Variants in UMODL1 observed in about 807,000 individuals in gnomAD.
UMODL1 encodes uromodulin like 1.
Under a neutral mutation model 136.3 loss-of-function variants are expected in UMODL1, and 128 were observed. That is an observed-to-expected ratio of 0.94 (90% CI 0.81 to 1.09). The LOEUF is 1.09. UMODL1 is among the 50% of genes least tolerant of loss of function. UMODL1 has a pLI of 0.00. For synonymous variants in UMODL1, 721 were observed against 720.0 expected, an observed-to-expected ratio of 1.00 and a Z score of -0.02; for missense variants, 1,766 against 1,725.6, an observed-to-expected ratio of 1.02 and a Z score of -0.41.
At chr21:42,135,420 G>A (rs1191968543) in intron 21 of UMODL1, among the ~76,000 whole-genome samples, 1 of 152,260 alleles carries the variant, frequency 6.6e-6, no homozygotes, top group African/African-American at 2.4e-5. Context: ...GGAGCACACA[G>A]CTGCAGGTCA....
At chr21:42,072,578 C>T (rs936936342) in intron 1 of UMODL1, among the ~76,000 whole-genome samples, 1 of 152,188 alleles carries the variant, frequency 6.6e-6, no homozygotes, top group African/African-American at 2.4e-5. Flanking sequence ...TCAGCAACCC[C>T]ACACGTGGTC....
intron 2 of UMODL1, among the ~76,000 whole-genome samples, chr21:42,082,647 C>A (rs1475693427): frequency 1.3e-5 from 2 of 152,180 alleles, no homozygotes; most frequent in Admixed American, 6.5e-5. Flanking sequence ...CCCTCAGCCT[C>A]GTCCCGGAGC....
chr21:42,109,545 G>A lies in UMODL1; in HGVS notation c.1520-17G>A, dbSNP rs772559076. 22 of 1,607,348 alleles carry A rather than the reference G, an allele frequency of 1.4e-5. No individual in the cohort carries two copies. The highest frequency in any genetic ancestry group is 1.1e-4 in the African/African-American group (8 of 74,774). On this transcript the variant is annotated splice_polypyrimidine_tract_variant and intron_variant, in intron 9 of 22. Coordinates refer to ENST00000408910, the MANE Select transcript of UMODL1 (RefSeq NM_001004416.3). ...GGCTGTTTTCTCATGGGTTTTGATT[G>A]TGTCTCCCCCTGGCAGACTGGGACG...
chr21:42,111,802 C>CCACGGCT, intron 12 of UMODL1, 92 bp downstream of exon 12: 6 of 1,290,894 alleles, frequency 4.6e-6, no homozygotes, highest in Non-Finnish European at 5.2e-6. Context: ...GCCGTGGAGT[C>CCACGGCT]GCAGGCTGCT....
At chr21:42,066,265 T>A (rs77862829) in intron 1 of UMODL1, among the ~76,000 whole-genome samples, 5,735 of 152,304 alleles carry the variant, frequency 0.038, 292 homozygotes, top group African/African-American at 0.12. Context: ...CTCCTTTTTC[T>A]CTGAGCATTA....
intron 5 of UMODL1, among the ~76,000 whole-genome samples, chr21:42,090,003 C>A (rs910334995): frequency 6.6e-6 from 1 of 152,196 alleles, no homozygotes; most frequent in Non-Finnish European, 1.5e-5. Flanking sequence ...TTTTCATGAC[C>A]ACTCAGACTC....
chr21:42,117,399 G>C (rs2066914641), intron 14 of UMODL1, among the ~76,000 whole-genome samples: 1 of 152,228 alleles, frequency 6.6e-6, no homozygotes, highest in African/African-American at 2.4e-5. Flanking sequence ...CCCTGCCTCA[G>C]AGAAAGTTCT....
At position 42,122,594 on chromosome 21, in the gene UMODL1, CAT is replaced by C. The variant is rs1191983072; in HGVS notation, c.2828-236_2828-235del. On this transcript the variant is annotated intron_variant, in intron 16 of 22. Coordinates refer to ENST00000408910, the MANE Select transcript of UMODL1 (RefSeq NM_001004416.3). The surrounding 1 kb of genome is among the most constrained non-coding windows in gnomAD (Gnocchi z 4.3). ...GTGCGTGCGTGTGTGCATGTGTGTGCATGTGTGTGCATCTCTGCGTGCATGTG... is the reference window on the plus strand; with the variant it reads ...GTGCGTGCGTGTGTGCATGTGTGTGCGTGTGTGCATCTCTGCGTGCATGTG... Among the ~76,000 whole-genome samples, 1 of 146,566 alleles carries C rather than the reference CAT, an allele frequency of 6.8e-6. No homozygotes were observed. The highest frequency in any genetic ancestry group is 2.7e-5 in the African/African-American group (1 of 36,890).
rs549311269 is a variant in UMODL1 at position 42,103,894 on chromosome 21, G to A, written c.1326G>A (p.Val442=). The A allele has an allele frequency of 4.0e-5, 65 of 1,614,166 alleles. No individual in the cohort carries two copies. In the African/African-American group the frequency reaches 7.7e-4, roughly 19 times the overall value. ...TCGAGAGCTCCTTCCCACCAGTGGT[G>A]TCTGACTTGTACCGAAGTGGGAAGC... The part of the protein sequence containing the change: ...HEVESSFPPV[V]SDLYRSGKLR... Residue 442 remains valine, a synonymous_variant, in exon 9 of 23, where the codon GTG becomes GTA. Coordinates refer to ENST00000408910, the MANE Select transcript of UMODL1 (RefSeq NM_001004416.3).
At chr21:42,129,608 A>G in intron 20 of UMODL1, 105 bp from the exon 21 acceptor site, 2 of 1,042,912 alleles carry the variant, frequency 1.9e-6, no homozygotes, top group Non-Finnish European at 1.3e-6. Context: ...AACTTCTAGC[A>G]GGATAAAATC....
At chr21:42,103,787 C>T in intron 8 of UMODL1, 81 bp from the exon 9 acceptor site, 1 of 1,512,816 alleles carries the variant, frequency 6.6e-7, no homozygotes, top group Non-Finnish European at 9.2e-7. Flanking sequence ...CTCCAAGCAC[C>T]ATCCATCGGT....
chr21:42,064,678 C>A (rs1043600928), intron 1 of UMODL1, among the ~76,000 whole-genome samples: 3 of 152,178 alleles, frequency 2.0e-5, no homozygotes, highest in Admixed American at 2.0e-4. Flanking sequence ...GCCTAAGCCT[C>A]CTGAGTAGCT....
chr21:42,113,923 T>G (rs1046820544), intron 13 of UMODL1, 93 bp downstream of exon 13: 17 of 1,491,174 alleles, frequency 1.1e-5, no homozygotes, highest in African/African-American at 2.8e-5. Flanking sequence ...GATTTGTTTA[T>G]GGGCTGCTAG....
chr21:42,079,620 A>G (rs2066336537), intron 2 of UMODL1, among the ~76,000 whole-genome samples: 1 of 152,204 alleles, frequency 6.6e-6, no homozygotes, highest in South Asian at 2.1e-4. Context: ...GAGAAGAGGG[A>G]GGGAAACAGG....
intron 20 of UMODL1, among the ~76,000 whole-genome samples, chr21:42,128,453 C>T (rs1013308948): frequency 2.6e-5 from 4 of 152,158 alleles, no homozygotes; most frequent in Non-Finnish European, 5.9e-5. Flanking sequence ...GCTCAGTGAC[C>T]GAATGCTTCT....
intron 15 of UMODL1, 184 bp from the exon 16 acceptor site, chr21:42,120,903 G>C (rs2066961342): frequency 3.1e-6 from 2 of 654,170 alleles, no homozygotes; most frequent in African/African-American, 3.7e-5. Flanking sequence ...GACATACTTA[G>C]CCATTCCCAG....
intron 1 of UMODL1, among the ~76,000 whole-genome samples, chr21:42,075,242 G>GGT (rs58404701): frequency 1.4e-5 from 1 of 71,236 alleles, no homozygotes. Context: ...TGCTGGAGAT[G>GGT]GGGGGGGGGT....
chr21:42,112,889 A>G (rs2066854595), intron 12 of UMODL1: 1 of 151,566 alleles, frequency 6.6e-6, no homozygotes, highest in Admixed American at 6.7e-5. Context: ...ACCCCCAGCA[A>G]TTCCATGTTA....
chr21:42,137,739 G>A, intron 22 of UMODL1, 98 bp downstream of exon 22: 1 of 1,059,142 alleles, frequency 9.4e-7, no homozygotes, highest in Non-Finnish European at 1.3e-6. Context: ...TGCGGAGTGG[G>A]GTGGGAGGTG....
Sources: gnomAD v4.1 joint callset for allele counts (sites outside exome capture counted in the v4.1 genomes callset) on GRCh38, gnomAD v4.1.1 for gene constraint, Gnocchi (gnomAD v3.1) non-coding constraint, MANE v1.5 for transcripts, NCBI Gene and HGNC (gene_info 2026-07-23, HGNC 2026-07-21) for gene names.